PLXDC2: variants seen among roughly 807,000 people sequenced by gnomAD.
PLXDC2 encodes the protein plexin domain containing 2.
A neutral mutation model predicts 68.9 loss-of-function variants in PLXDC2; 40 were observed. That is an observed-to-expected ratio of 0.58 (90% CI 0.45 to 0.76). The LOEUF is 0.76. PLXDC2 is among the 30% of genes least tolerant of loss of function. The pLI is 0.00. For synonymous variants in PLXDC2, 243 were observed against 234.2 expected (o/e 1.04, Z -0.34); for missense variants, 644 against 661.9 (o/e 0.97, Z 0.30).
In PLXDC2 at chr10:20,287,979, C is replaced by CGG. The variant is rs748974758; in HGVS notation, c.*8164_*8165dup. On this transcript the variant is annotated 3_prime_UTR_variant, in exon 14 of 14. Transcript: ENST00000377252. Reference sequence around the variant, plus strand: ...AGAAGAAATTGGGCACTTCTTGCGGCGGGGGAGGGGGGGGGGGCGGTGGCT... The same window carrying CGG: ...AGAAGAAATTGGGCACTTCTTGCGGCGGGGGGGAGGGGGGGGGGGCGGTGGCT... 12 of 12,396 alleles carry CGG rather than the reference C, an allele frequency of 9.7e-4. No homozygotes were observed. Among genetic ancestry groups the CGG allele is most frequent in the African/African-American group, 2.7e-3 (8 of 2,988 alleles). The allele number at this position is 12,396 out of a possible 1,614,324, so 0.8% of individuals were successfully genotyped here.
At chr10:19,832,159 C>T (rs931647618) in intron 1 of PLXDC2, among the ~76,000 whole-genome samples, 1 of 152,066 alleles carries the variant, frequency 6.6e-6, no homozygotes, top group Non-Finnish European at 1.5e-5. Context: ...TTGGGGTTCT[C>T]CAGAATTTAA....
intron 1 of PLXDC2, among the ~76,000 whole-genome samples, chr10:19,888,505 G>T (rs1837888936): frequency 6.6e-6 from 1 of 152,188 alleles, no homozygotes; most frequent in Admixed American, 6.5e-5. Flanking sequence ...GGTGGCCTGA[G>T]GAGTTGGGAA....
chr10:19,985,618 C>G (rs535936746), intron 1 of PLXDC2, among the ~76,000 whole-genome samples: 1 of 152,310 alleles, frequency 6.6e-6, no homozygotes, highest in East Asian at 1.9e-4. Flanking sequence ...TTTATGCTAA[C>G]AAGTAACTCA....
At chr10:20,226,099 A>G (rs763214344) in intron 12 of PLXDC2, among the ~76,000 whole-genome samples, 5 of 152,242 alleles carry the variant, frequency 3.3e-5, no homozygotes, top group East Asian at 1.9e-4. Context: ...GAAACTACCT[A>G]TTGGTCCATT....
chr10:19,997,248 A>G lies in PLXDC2; in HGVS notation c.113-4527A>G, dbSNP rs541391663. Among the ~76,000 whole-genome samples, 11 of 152,334 alleles carry G rather than the reference A, an allele frequency of 7.2e-5. No homozygotes were observed. The South Asian group carries it at 1.0e-3, about 14-fold the overall frequency. ...TATCGACATACCTAAAGATATAACT[A>G]TTTTCTATAGAATTTTATCTTTGGT... On this transcript the variant is annotated intron_variant, in intron 1 of 13. Coordinates refer to ENST00000377252, the MANE Select transcript of PLXDC2 (RefSeq NM_032812.9).
At chr10:20,063,558 G>A (rs919348114) in intron 3 of PLXDC2, among the ~76,000 whole-genome samples, 4 of 151,576 alleles carry the variant, frequency 2.6e-5, no homozygotes, top group African/African-American at 9.7e-5. Context: ...ATGGGAATTG[G>A]GTATATTTAG....
At chr10:20,201,106 G>A (rs1834911360) in intron 9 of PLXDC2, among the ~76,000 whole-genome samples, 1 of 152,088 alleles carries the variant, frequency 6.6e-6, no homozygotes, top group African/African-American at 2.4e-5. Context: ...GTTCACAATA[G>A]CCAAGATATG....
At chr10:20,216,124 A>G (rs767020773) in intron 10 of PLXDC2, among the ~76,000 whole-genome samples, 1 of 152,108 alleles carries the variant, frequency 6.6e-6, no homozygotes, top group African/African-American at 2.4e-5. Context: ...AAAAAAAAAT[A>G]AAAAAATAGA....
intron 3 of PLXDC2, among the ~76,000 whole-genome samples, chr10:20,050,836 A>C (rs1003712143): frequency 6.6e-6 from 1 of 152,116 alleles, no homozygotes; most frequent in African/African-American, 2.4e-5. Flanking sequence ...CGATTCCTCA[A>C]AGACCTAAGG....
chr10:19,863,130 T>C (rs1837346158), intron 1 of PLXDC2, among the ~76,000 whole-genome samples: 2 of 152,176 alleles, frequency 1.3e-5, no homozygotes, highest in African/African-American at 4.8e-5. Context: ...TGAATCTTCA[T>C]GTCATATTTC....
intron 1 of PLXDC2, among the ~76,000 whole-genome samples, chr10:19,834,513 C>T (rs1489618800): frequency 1.3e-5 from 2 of 152,186 alleles, no homozygotes; most frequent in African/African-American, 2.4e-5. Context: ...CTGTATACCA[C>T]CTATGCCACC....
At chr10:19,938,919 A>G (rs1165955939) in intron 1 of PLXDC2, among the ~76,000 whole-genome samples, 1 of 152,206 alleles carries the variant, frequency 6.6e-6, no homozygotes. Context: ...AAAAAAATGT[A>G]ATGATGTTCC....
intron 4 of PLXDC2, among the ~76,000 whole-genome samples, chr10:20,114,381 A>G (rs927026407): frequency 3.3e-5 from 5 of 152,204 alleles, no homozygotes; most frequent in Admixed American, 6.5e-5. Context: ...TAAGCAGTCA[A>G]TGATTACTTG....
chr10:19,969,825 C>T (rs533890648), intron 1 of PLXDC2, among the ~76,000 whole-genome samples: 70 of 152,266 alleles, frequency 4.6e-4, no homozygotes, highest in African/African-American at 1.6e-3. Flanking sequence ...AGAAATGTAA[C>T]AGAAAACAGC....
chr10:20,176,398 G>GTGTGTGTC (rs1212482133), intron 7 of PLXDC2, among the ~76,000 whole-genome samples: 6 of 151,660 alleles, frequency 4.0e-5, no homozygotes, highest in African/African-American at 1.5e-4. Context: ...TTATGTGTGT[G>GTGTGTGTC]TGTGTGTGTG....
At chr10:20,108,834 T>C (rs1833523384) in intron 4 of PLXDC2, among the ~76,000 whole-genome samples, 1 of 152,196 alleles carries the variant, frequency 6.6e-6, no homozygotes, top group Admixed American at 6.5e-5. Flanking sequence ...AAGTTTGTAA[T>C]AGATACAAAG....
At chr10:20,234,000 T>TA (rs1466491493) in intron 12 of PLXDC2, among the ~76,000 whole-genome samples, 4 of 151,328 alleles carry the variant, frequency 2.6e-5, no homozygotes, top group Admixed American at 1.3e-4. Flanking sequence ...TTTTTTTTTT[T>TA]ATTTTTTGTA....
chr10:20,052,454 C>T (rs1435422933), intron 3 of PLXDC2, among the ~76,000 whole-genome samples: 1 of 151,972 alleles, frequency 6.6e-6, no homozygotes, highest in African/African-American at 2.4e-5. Flanking sequence ...GTAATGTCCA[C>T]ATACACGTCC....
chr10:19,918,362 T>G (rs1360858228), intron 1 of PLXDC2, among the ~76,000 whole-genome samples: 2 of 152,178 alleles, frequency 1.3e-5, no homozygotes, highest in Admixed American at 6.5e-5. Flanking sequence ...GAGCTTCCTA[T>G]AAGCCTAAGT....
Sources: gnomAD v4.1 joint callset for allele counts (sites outside exome capture counted in the v4.1 genomes callset) on GRCh38, gnomAD v4.1.1 for gene constraint, MANE v1.5 for transcripts, NCBI Gene and HGNC (gene_info 2026-07-23, HGNC 2026-07-21) for gene names.